Variants in FGD4 observed in about 807,000 individuals in gnomAD.
The protein encoded by FGD4 is FYVE, RhoGEF and PH domain-containing protein 4.
FGD4 carries 42 observed loss-of-function variants against 102.0 expected under a neutral mutation model. The observed-to-expected ratio is 0.41, with a 90% CI of 0.32 to 0.53. The LOEUF is 0.53. Among genes scored for constraint, FGD4 ranks in the 20% least tolerant of loss-of-function variants. The pLI, the probability that FGD4 is intolerant of heterozygous loss-of-function variation, is 0.21. For synonymous variants in FGD4, 380 were observed against 375.7 expected (o/e 1.01, Z -0.13); for missense variants, 902 against 1,078.2 (o/e 0.84, Z 2.29).
In FGD4 at chr12:32,418,059, C is replaced by T. The variant is rs896566970; in HGVS notation, c.166+18100C>T. On this transcript the variant is annotated intron_variant, in intron 1 of 16. Transcript: ENST00000534526. ...GCAAGCTCCACCTCCTGGGTTCACG[C>T]CATTCTCCTGCCTCAGCCTCCCGAG... Among the ~76,000 whole-genome samples, 6 of 151,086 alleles carry T rather than the reference C, an allele frequency of 4.0e-5. No homozygotes were observed. The East Asian group carries it at 1.2e-3, about 30-fold the overall frequency.
Position 32,576,326 on chromosome 12 carries a change from G to A in FGD4, c.380G>A (p.Arg127Lys), listed in dbSNP as rs1946125204. Residue 127 changes from arginine (R) to lysine (K), a missense_variant, in exon 3 of 17, where the codon AGG becomes AAG. Transcript: ENST00000534526. Reference protein sequence around the residue: ...SPSSNIHQTPRHKALPSAKPR... With the variant: ...SPSSNIHQTPKHKALPSAKPR... ...TCGTCCAATATACACCAAACCCCCA[G>A]GCATAAAGCTTTACCTAGTGCAAAA... is the stretch of plus-strand genomic sequence containing the variant. 6.2e-7 allele frequency: 1 copy of A among 1,613,714 alleles called. No homozygotes were observed. The highest frequency in any genetic ancestry group is 1.1e-5 in the South Asian group (1 of 91,056).
chr12:32,633,724 T>G, intron 15 of FGD4, 35 bp downstream of exon 15: 1 of 1,561,914 alleles, frequency 6.4e-7, no homozygotes, highest in Non-Finnish European at 8.8e-7. Flanking sequence ...TCTTTTAGAT[T>G]ATTTTTTTCC....
chr12:32,441,979 C>T (rs1160054563), intron 1 of FGD4, among the ~76,000 whole-genome samples: 2 of 151,780 alleles, frequency 1.3e-5, no homozygotes, highest in African/African-American at 4.8e-5. Flanking sequence ...AGATGCTCTT[C>T]ACGCCATGCT....
intron 1 of FGD4, among the ~76,000 whole-genome samples, chr12:32,449,284 A>G (rs1942705172): frequency 6.6e-6 from 1 of 152,232 alleles, no homozygotes; most frequent in South Asian, 2.1e-4. Context: ...CATTATTACC[A>G]TGTAATTCCC....
At chr12:32,632,457 G>A (rs1950546836) in intron 14 of FGD4, among the ~76,000 whole-genome samples, 4 of 152,172 alleles carry the variant, frequency 2.6e-5, no homozygotes, top group Admixed American at 2.0e-4. Flanking sequence ...AACATCTGAA[G>A]GGTGAGCGTT....
intron 1 of FGD4, among the ~76,000 whole-genome samples, chr12:32,413,308 G>GA (rs577887555): frequency 1.3e-5 from 2 of 151,090 alleles, no homozygotes; most frequent in Admixed American, 1.3e-4. Context: ...CCTATTTATA[G>GA]AAAAAAAAAC....
intron 1 of FGD4, among the ~76,000 whole-genome samples, chr12:32,533,845 GA>G (rs970334406): frequency 6.6e-6 from 1 of 152,078 alleles, no homozygotes; most frequent in African/African-American, 2.4e-5. Context: ...TAACATATAC[GA>G]CTTGTTTTCC....
At chr12:32,570,224 G>C (rs1592256366) in intron 2 of FGD4, among the ~76,000 whole-genome samples, 1 of 137,622 alleles carries the variant, frequency 7.3e-6, no homozygotes, top group South Asian at 2.3e-4. Flanking sequence ...CTGGGCGATG[G>C]GGCAAGACGC....
chr12:32,512,182 C>T (rs1009412149), intron 1 of FGD4, among the ~76,000 whole-genome samples: 1 of 152,022 alleles, frequency 6.6e-6, no homozygotes, highest in South Asian at 2.1e-4. Flanking sequence ...TGCAGTGGCT[C>T]TCACCTGTAA....
chr12:32,490,790 C>A (rs1230636893), intron 1 of FGD4, among the ~76,000 whole-genome samples: 1 of 152,142 alleles, frequency 6.6e-6, no homozygotes, highest in African/African-American at 2.4e-5. Context: ...TGGATGGGAG[C>A]AGTATGTGTG....
At chr12:32,637,048 C>CTTTTTTT (rs920177828) in intron 15 of FGD4, among the ~76,000 whole-genome samples, 1 of 86,410 alleles carries the variant, frequency 1.2e-5, no homozygotes, top group Non-Finnish European at 2.4e-5. Flanking sequence ...TTTTTTTCTT[C>CTTTTTTT]TTTTTTTTTT....
rs1440764524 is a variant in FGD4 at position 32,644,344 on chromosome 12, A to G, written c.*3811A>G. ...TATAGATTCTCAGCTTTAGAAAATGACTATGATACATAAAGACCACTAGGT... is the reference window on the plus strand; with the variant it reads ...TATAGATTCTCAGCTTTAGAAAATGGCTATGATACATAAAGACCACTAGGT... On this transcript the variant is annotated 3_prime_UTR_variant, in exon 17 of 17. Coordinates refer to ENST00000534526, the MANE Select transcript of FGD4 (RefSeq NM_001370298.3). 2 of 152,168 alleles carry G rather than the reference A, an allele frequency of 1.3e-5. No individual in the cohort carries two copies. The highest frequency in any genetic ancestry group is 1.9e-4 in the East Asian group (1 of 5,196). The allele number at this position is 152,168 out of a possible 1,614,324, so 9.4% of individuals were successfully genotyped here. A position where few individuals can be genotyped will look rare whatever the true frequency, so the allele number is the denominator to read the frequency against.
chr12:32,541,357 A>G (rs1283424444), intron 1 of FGD4, among the ~76,000 whole-genome samples: 1 of 152,174 alleles, frequency 6.6e-6, no homozygotes, highest in Non-Finnish European at 1.5e-5. Flanking sequence ...AATGTTTAGT[A>G]AAATGGGGTT....
chr12:32,580,792 C>T (rs1485826527), intron 3 of FGD4, among the ~76,000 whole-genome samples: 1 of 150,652 alleles, frequency 6.6e-6, no homozygotes, highest in South Asian at 2.1e-4. Flanking sequence ...GAGGCTGAGG[C>T]AGGAGAATGG....
At chr12:32,441,002 C>T (rs1942418271) in intron 1 of FGD4, among the ~76,000 whole-genome samples, 1 of 152,168 alleles carries the variant, frequency 6.6e-6, no homozygotes, top group South Asian at 2.1e-4. Flanking sequence ...TTAAGTCAGC[C>T]TGTGGTGAAT....
intron 1 of FGD4, among the ~76,000 whole-genome samples, chr12:32,555,220 T>C (rs889440143): frequency 7.2e-5 from 11 of 152,132 alleles, no homozygotes; most frequent in African/African-American, 2.7e-4. Context: ...ATGTAGAGTA[T>C]GAGAGAAAAA....
intron 1 of FGD4, among the ~76,000 whole-genome samples, chr12:32,539,921 G>A (rs1430332886): frequency 6.6e-6 from 1 of 152,112 alleles, no homozygotes; most frequent in Non-Finnish European, 1.5e-5. Flanking sequence ...GCCCCTTAAT[G>A]TCTATCAGTA....
Position 32,643,424 on chromosome 12 carries a change from A to G in FGD4, c.*2891A>G, listed in dbSNP as rs1951259168. The G allele has an allele frequency of 1.3e-5, 2 of 152,166 alleles. No individual in the cohort carries two copies. Among genetic ancestry groups the G allele is most frequent in the South Asian group, 4.1e-4 (2 of 4,830 alleles). The allele number at this position is 152,166 out of a possible 1,614,324, so 9.4% of individuals were successfully genotyped here. A position where few individuals can be genotyped will look rare whatever the true frequency, so the allele number is the denominator to read the frequency against. On this transcript the variant is annotated 3_prime_UTR_variant, in exon 17 of 17. Transcript: ENST00000534526. ...CGAATTGCAGAGTATAAGGAAGGGA[A>G]ATGGGAAGGGGCATCATTCCTTGGA...
intron 1 of FGD4, among the ~76,000 whole-genome samples, chr12:32,428,926 T>C (rs1284420411): frequency 6.6e-6 from 1 of 152,214 alleles, no homozygotes; most frequent in African/African-American, 2.4e-5. Flanking sequence ...GCAATTCCTC[T>C]AACCTTTTTT....
Sources: gnomAD v4.1 joint callset for allele counts (sites outside exome capture counted in the v4.1 genomes callset) on GRCh38, gnomAD v4.1.1 for gene constraint, MANE v1.5 for transcripts, NCBI Gene and HGNC (gene_info 2026-07-23, HGNC 2026-07-21) for gene names.